Variants in RGPD8 observed in about 807,000 individuals in gnomAD.
The protein encoded by RGPD8 is RANBP2-like and GRIP domain-containing protein 8.
RGPD8 carries 15 observed loss-of-function variants against 89.1 expected under a neutral mutation model. The observed-to-expected ratio is 0.17, with a 90% CI of 0.11 to 0.26. RGPD8 has a LOEUF of 0.26. RGPD8 is among the 10% of genes least tolerant of loss of function. The pLI is 1.00. For missense variants in RGPD8, 178 were observed against 1,179.6 expected, an observed-to-expected ratio of 0.15 and a Z score of 12.44; for synonymous variants, 62 against 420.9, an observed-to-expected ratio of 0.15 and a Z score of 10.44.
rs3877271 is a variant in RGPD8 at position 112,423,762 on chromosome 2, C to A, written c.140+478G>T. ...ATTTCCTGCTTTAATCCACTCCCAG[C>A]CAGGAAATCAGAATCACCAAGCTTC... On this transcript the variant is annotated intron_variant, in intron 2 of 22. Transcript: ENST00000302558. Among the ~76,000 whole-genome samples, 465 of 110,056 alleles carry A rather than the reference C, an allele frequency of 4.2e-3. 2 individuals are homozygous for A. The highest frequency in any genetic ancestry group is 0.015 in the African/African-American group (449 of 30,270). 72.2% of individuals were successfully genotyped at this position (110,056 alleles called of 152,430 possible).
intron 6 of RGPD8, among the ~76,000 whole-genome samples, chr2:112,413,091 T>C (rs1391155161): frequency 7.6e-6 from 1 of 132,406 alleles, no homozygotes. Context: ...CTTTTTACTA[T>C]ATAGATCATT....
At chr2:112,372,954 T>C (rs1677997337) in intron 22 of RGPD8, among the ~76,000 whole-genome samples, 1 of 135,288 alleles carries the variant, frequency 7.4e-6, no homozygotes, top group African/African-American at 3.2e-5. Flanking sequence ...GTTTTAGACC[T>C]CTGTGTATGT....
At chr2:112,381,926 GCA>G (rs1678315890) in intron 20 of RGPD8, among the ~76,000 whole-genome samples, 1 of 152,310 alleles carries the variant, frequency 6.6e-6, no homozygotes, top group African/African-American at 2.4e-5. Flanking sequence ...ATTAAAGGAT[GCA>G]AAGTATTAAT....
intron 21 of RGPD8, among the ~76,000 whole-genome samples, 174 bp downstream of exon 21, chr2:112,380,650 C>CAAAAAAAAAAAAA (rs369818204): frequency 9.1e-6 from 1 of 109,402 alleles, no homozygotes; most frequent in Non-Finnish European, 1.8e-5. Context: ...AAGACTGTCT[C>CAAAAAAAAAAAAA]AAAAAAAAAA....
intron 22 of RGPD8, 147 bp from the exon 23 acceptor site, chr2:112,370,359 G>GGGGTGTT (rs1249646916): frequency 2.0e-5 from 2 of 100,758 alleles, no homozygotes; most frequent in African/African-American, 7.1e-5. Flanking sequence ...GGGGGGGGGG[G>GGGGTGTT]TTCTTTTTTT....
At chr2:112,373,281 A>G (rs1458084267) in intron 22 of RGPD8, among the ~76,000 whole-genome samples, 8 of 152,228 alleles carry the variant, frequency 5.3e-5, no homozygotes, top group Non-Finnish European at 8.8e-5. Context: ...ATTGGGGACT[A>G]CTGCTACACT....
chr2:112,371,220 CT>C (rs1677959048), intron 22 of RGPD8, among the ~76,000 whole-genome samples: 1 of 108,174 alleles, frequency 9.2e-6, no homozygotes, highest in Non-Finnish European at 1.9e-5. Flanking sequence ...AAAACCTGCC[CT>C]TTTCAGCATA....
At chr2:112,415,941 T>C (rs1468570863) in intron 6 of RGPD8, among the ~76,000 whole-genome samples, 2 of 151,888 alleles carry the variant, frequency 1.3e-5, no homozygotes, top group Non-Finnish European at 2.9e-5. Context: ...AATACAAAAA[T>C]TAGCTGGGCG....
chr2:112,419,355 C>CA (rs1485706826), intron 4 of RGPD8, among the ~76,000 whole-genome samples: 59 of 122,516 alleles, frequency 4.8e-4, no homozygotes, highest in Non-Finnish European at 9.0e-4. Flanking sequence ...GGATGAAACC[C>CA]TGGCCTCTCC....
At chr2:112,430,633 C>A (rs1440727301) in intron 1 of RGPD8, among the ~76,000 whole-genome samples, 2 of 149,034 alleles carry the variant, frequency 1.3e-5, no homozygotes, top group Non-Finnish European at 3.0e-5. Context: ...CTCAGAAAGG[C>A]TCTAAGGTTG....
chr2:112,380,637 A>T, intron 21 of RGPD8, among the ~76,000 whole-genome samples, 187 bp downstream of exon 21: 1 of 138,178 alleles, frequency 7.2e-6, no homozygotes. Flanking sequence ...TGGGTGACAG[A>T]GCAAGACTGT....
At chr2:112,429,415 C>CAAAAAA (rs71412832) in intron 1 of RGPD8, among the ~76,000 whole-genome samples, 216 of 44,580 alleles carry the variant, frequency 4.8e-3, no homozygotes, top group Non-Finnish European at 6.2e-3. Flanking sequence ...GACTCCGTCT[C>CAAAAAA]AAAAAAAAAA....
At chr2:112,379,378 C>T (rs2951246) in intron 21 of RGPD8, among the ~76,000 whole-genome samples, 165 of 151,014 alleles carry the variant, frequency 1.1e-3, no homozygotes, top group African/African-American at 3.7e-3. Context: ...AGGCAGATCA[C>T]GAGGTCAGGA....
At chr2:112,430,738 A>T (rs1298747684) in intron 1 of RGPD8, among the ~76,000 whole-genome samples, 1 of 151,134 alleles carries the variant, frequency 6.6e-6, no homozygotes, top group Non-Finnish European at 1.5e-5. Context: ...AGGCGGGAGG[A>T]TCACTTGAGC....
At chr2:112,382,196 C>T (rs1281372348) in intron 20 of RGPD8, among the ~76,000 whole-genome samples, 2 of 152,310 alleles carry the variant, frequency 1.3e-5, no homozygotes, top group African/African-American at 4.8e-5. Flanking sequence ...TCTCGTTGCT[C>T]CTCAGTCTGC....
chr2:112,428,103 G>C (rs1679855535), intron 1 of RGPD8, among the ~76,000 whole-genome samples: 4 of 152,406 alleles, frequency 2.6e-5, no homozygotes, highest in Middle Eastern at 6.8e-3. Context: ...GAATCTCATG[G>C]GACTCCTAAC....
At chr2:112,370,816 TTTAAATGGCTTTA>T (rs1359366089) in intron 22 of RGPD8, among the ~76,000 whole-genome samples, 1 of 150,498 alleles carries the variant, frequency 6.6e-6, no homozygotes, top group African/African-American at 2.5e-5. Context: ...GAACTTAACC[TTTAAATGGCTTTA>T]TTAAAGCAAT....
chr2:112,430,623 C>CTCAGAAAGGCTCTAAGGTTGCTTT (rs1362211362), intron 1 of RGPD8, among the ~76,000 whole-genome samples: 1 of 149,552 alleles, frequency 6.7e-6, no homozygotes, highest in Non-Finnish European at 1.5e-5. Flanking sequence ...CACTAAGAAT[C>CTCAGAAAGGCTCTAAGGTTGCTTT]TCAGAAAGGC....
intron 6 of RGPD8, among the ~76,000 whole-genome samples, chr2:112,416,231 A>G (rs1165588941): frequency 6.6e-6 from 1 of 152,258 alleles, no homozygotes; most frequent in Non-Finnish European, 1.5e-5. Context: ...AACATCCTAC[A>G]TGTTTTCTAA....
Sources: allele counts gnomAD v4.1 joint callset (sites outside exome capture counted in the v4.1 genomes callset), GRCh38; gene constraint gnomAD v4.1.1; transcripts MANE v1.5; gene names NCBI Gene and HGNC (gene_info 2026-07-23, HGNC 2026-07-21).